The following FGF13 variants were observed in gnomAD, a reference collection of about 807,000 sequenced individuals.
The protein encoded by FGF13 is fibroblast growth factor 13, also known as fibroblast growth factor homologous factor 2.
Under a neutral mutation model 19.5 loss-of-function variants are expected in FGF13, and 2 were observed. That is an observed-to-expected ratio of 0.10 (90% CI 0.04 to 0.32). The LOEUF is 0.32. Among genes scored for constraint, FGF13 ranks in the 10% least tolerant of loss-of-function variants. The probability of loss-of-function intolerance (pLI) is 1.00; values close to 1 mark genes in which losing one functional copy is unlikely to be tolerated. For missense variants in FGF13, 113 were observed against 192.7 expected, an observed-to-expected ratio of 0.59 and a Z score of 2.45; for synonymous variants, 72 against 76.9, an observed-to-expected ratio of 0.94 and a Z score of 0.33.
At chrX:138,948,895 C>T (rs1165891970) in intron 1 of FGF13, among the ~76,000 whole-genome samples, 1 of 111,900 alleles carries the variant, frequency 8.9e-6, no homozygotes, top group Non-Finnish European at 1.9e-5. Flanking sequence ...ACTATATTGT[C>T]TTATTACAAA....
At chrX:139,147,911 AAAAC>A (rs987299753) in intron 1 of FGF13, among the ~76,000 whole-genome samples, 2 of 111,307 alleles carry the variant, frequency 1.8e-5, no homozygotes, top group East Asian at 2.8e-4. Flanking sequence ...AACAAAAACA[AAAAC>A]AAACAAACAA....
At chrX:138,838,250 T>C (rs1320949366) in intron 3 of FGF13, among the ~76,000 whole-genome samples, 1 of 111,919 alleles carries the variant, frequency 8.9e-6, no homozygotes, top group Non-Finnish European at 1.9e-5. Context: ...GGATTCAGCC[T>C]CTTTTCTAGG....
chrX:138,991,075 G>A (rs147303886), intron 1 of FGF13, among the ~76,000 whole-genome samples: 3,813 of 111,814 alleles, frequency 0.034, 65 homozygotes, highest in Non-Finnish European at 0.053. Flanking sequence ...ACTAAAGCTC[G>A]AAGTCAAACT....
chrX:139,158,089 C>T (rs2083993907), intron 1 of FGF13, among the ~76,000 whole-genome samples: 1 of 111,953 alleles, frequency 8.9e-6, no homozygotes, highest in South Asian at 3.7e-4. Flanking sequence ...ATACTATGCC[C>T]TTCCCATGGT....
chrX:139,169,035 C>A (rs1299170698), intron 1 of FGF13, among the ~76,000 whole-genome samples: 1 of 111,962 alleles, frequency 8.9e-6, no homozygotes, highest in East Asian at 2.8e-4. Flanking sequence ...GTACCAGGCA[C>A]TGTGTTAAGC....
chrX:138,856,039 A>C (rs2091255737), downstream of FGF13, among the ~76,000 whole-genome samples: 2 of 110,361 alleles, frequency 1.8e-5, no homozygotes, highest in African/African-American at 6.6e-5. Flanking sequence ...GGAATGTAGT[A>C]TATATAGTAA....
At chrX:138,671,868 T>C (rs753422197) in intron 3 of FGF13, among the ~76,000 whole-genome samples, 1 of 110,179 alleles carries the variant, frequency 9.1e-6, no homozygotes, top group Non-Finnish European at 1.9e-5. Context: ...TAGGAAATTA[T>C]GGTGACAAAA....
intron 3 of FGF13, among the ~76,000 whole-genome samples, chrX:138,793,996 G>A (rs894142897): frequency 1.6e-4 from 18 of 111,658 alleles, no homozygotes; most frequent in African/African-American, 5.9e-4. Flanking sequence ...CTCTCCTCCA[G>A]GTGGTTTGGG....
At chrX:138,870,197 T>G (rs1349366845) in intron 1 of FGF13, among the ~76,000 whole-genome samples, 2 of 112,139 alleles carry the variant, frequency 1.8e-5, no homozygotes, top group Non-Finnish European at 3.8e-5. Flanking sequence ...GGCAATGTCC[T>G]CCACATTGAG....
At chrX:139,140,818 A>G (rs2083837592) in intron 1 of FGF13, among the ~76,000 whole-genome samples, 1 of 110,651 alleles carries the variant, frequency 9.0e-6, no homozygotes, top group Non-Finnish European at 1.9e-5. Context: ...GGTCCCTACT[A>G]TCTCAGAGAT....
chrX:138,788,276 G>A (rs914993420), intron 3 of FGF13, among the ~76,000 whole-genome samples: 1 of 112,177 alleles, frequency 8.9e-6, no homozygotes, highest in Non-Finnish European at 1.9e-5. Flanking sequence ...ACCTAGCAAG[G>A]CAAATTCCAT....
At chrX:138,729,642 A>G (rs1361163343) in intron 1 of FGF13, among the ~76,000 whole-genome samples, 2 of 110,236 alleles carry the variant, frequency 1.8e-5, no homozygotes, top group African/African-American at 6.6e-5. Context: ...GAAAGACAAC[A>G]TGTTATGTAT....
At chrX:139,183,484 G>T (rs907223426) in intron 1 of FGF13, among the ~76,000 whole-genome samples, 1 of 111,834 alleles carries the variant, frequency 8.9e-6, no homozygotes, top group African/African-American at 3.3e-5. Flanking sequence ...GAATGCCTTG[G>T]TGCCATCCCC....
intron 1 of FGF13, among the ~76,000 whole-genome samples, chrX:138,737,398 T>A (rs747788737): frequency 8.9e-6 from 1 of 112,043 alleles, no homozygotes; most frequent in Non-Finnish European, 1.9e-5. Context: ...CTATGCTATA[T>A]CAGATATTTT....
At chrX:139,132,740 A>G (rs1039782104) in intron 1 of FGF13, among the ~76,000 whole-genome samples, 4 of 112,553 alleles carry the variant, frequency 3.6e-5, no homozygotes, top group Non-Finnish European at 7.5e-5. Context: ...GCTCTTAGTT[A>G]ATTTCCTAAT....
intron 3 of FGF13, among the ~76,000 whole-genome samples, chrX:138,685,292 G>A (rs2089769986): frequency 9.0e-6 from 1 of 110,828 alleles, no homozygotes; most frequent in Non-Finnish European, 1.9e-5. Context: ...AATTCTACAC[G>A]AGATTGAGAC....
intron 3 of FGF13, among the ~76,000 whole-genome samples, chrX:138,772,048 A>ATG (rs1488026849): frequency 5.5e-5 from 5 of 90,946 alleles, no homozygotes; most frequent in Non-Finnish European, 1.1e-4. Context: ...ATATATATAT[A>ATG]TATATATATA....
At position 138,617,178 on chromosome X, in the gene FGF13, T is replaced by C. The variant is rs1391001819; in HGVS notation, c.*15672A>G. Reference sequence around the variant, plus strand: ...ATTTGTCAATACACATGAATTGATATACCTAACAGGTTTGTATATGATACA... The same window carrying C: ...ATTTGTCAATACACATGAATTGATACACCTAACAGGTTTGTATATGATACA... On this transcript the variant is annotated 3_prime_UTR_variant, in exon 5 of 5. Transcript: ENST00000315930. 8.9e-6 allele frequency: 1 copy of C among 111,926 alleles called. No homozygotes were observed. Among genetic ancestry groups the C allele is most frequent in the Non-Finnish European group, 1.9e-5 (1 of 53,260 alleles). 9.2% of individuals were successfully genotyped at this position (111,926 alleles called of 1,213,427 possible).
intron 1 of FGF13, among the ~76,000 whole-genome samples, chrX:138,950,127 C>A (rs1007604865): frequency 2.7e-5 from 3 of 111,886 alleles, no homozygotes; most frequent in African/African-American, 9.7e-5. Context: ...TCAGACATGA[C>A]AAATAGCCAG....
Sources: gnomAD v4.1 joint callset for allele counts (sites outside exome capture counted in the v4.1 genomes callset) on GRCh38, gnomAD v4.1.1 for gene constraint, MANE v1.5 for transcripts, NCBI Gene and HGNC (gene_info 2026-07-23, HGNC 2026-07-21) for gene names.